Variants in DHCR24 observed in about 807,000 individuals in gnomAD.
DHCR24 encodes the protein 24-dehydrocholesterol reductase.
A neutral mutation model predicts 61.2 loss-of-function variants in DHCR24; 28 were observed. That is an observed-to-expected ratio of 0.46 (90% CI 0.34 to 0.63). The LOEUF is 0.63. Ranked by LOEUF, DHCR24 falls within the 20% of genes least tolerant of loss-of-function variation. The pLI, the probability that DHCR24 is intolerant of heterozygous loss-of-function variation, is 0.01. For missense variants in DHCR24, 538 were observed against 679.1 expected (o/e 0.79, Z 2.31); for synonymous variants, 261 against 275.9 (o/e 0.95, Z 0.54).
intron 6 of DHCR24, 22 bp downstream of exon 6, chr1:54,865,281 G>A (rs772548468): frequency 8.7e-6 from 14 of 1,608,536 alleles, no homozygotes; most frequent in Non-Finnish European, 8.5e-6. Flanking sequence ...AGGAGCCAGG[G>A]CTACAGAAAC....
chr1:54,855,664 C>T (rs1439637437), intron 6 of DHCR24, among the ~76,000 whole-genome samples: 1 of 152,226 alleles, frequency 6.6e-6, no homozygotes, highest in African/African-American at 2.4e-5. Context: ...GCTGAGTGAC[C>T]CTTTCCCTCA....
chr1:54,853,829 C>T (rs968573324), intron 7 of DHCR24, among the ~76,000 whole-genome samples: 4 of 152,064 alleles, frequency 2.6e-5, no homozygotes, highest in Non-Finnish European at 4.4e-5. Flanking sequence ...TGGGAGTGCT[C>T]GATGCCAGAC....
chr1:54,885,416 G>A (rs1024424144), intron 1 of DHCR24, among the ~76,000 whole-genome samples: 4 of 152,172 alleles, frequency 2.6e-5, no homozygotes, highest in Non-Finnish European at 5.9e-5. Flanking sequence ...TGAGGCAACT[G>A]AACCAGACCT....
At chr1:54,877,139 G>T (rs911738219) in intron 2 of DHCR24, among the ~76,000 whole-genome samples, 5 of 151,894 alleles carry the variant, frequency 3.3e-5, no homozygotes, top group Non-Finnish European at 7.3e-5. Flanking sequence ...AAGCAGGTTT[G>T]TCCTGAGCAG....
intron 4 of DHCR24, among the ~76,000 whole-genome samples, chr1:54,874,333 G>A (rs1253008668): frequency 2.6e-5 from 4 of 152,158 alleles, no homozygotes; most frequent in East Asian, 1.9e-4. Context: ...TGGTAAGTAC[G>A]CTACATAGGT....
intron 6 of DHCR24, among the ~76,000 whole-genome samples, chr1:54,856,421 AC>A (rs903619773): frequency 1.3e-5 from 2 of 152,148 alleles, no homozygotes; most frequent in African/African-American, 4.8e-5. Flanking sequence ...ACATGGCAAA[AC>A]CCTGTCTCTA....
chr1:54,869,816 G>A (rs2101568829), intron 5 of DHCR24, among the ~76,000 whole-genome samples: 1 of 152,254 alleles, frequency 6.6e-6, no homozygotes, highest in East Asian at 1.9e-4. Flanking sequence ...CTTGGCTTGG[G>A]AGGCCAAGGC....
intron 8 of DHCR24, 75 bp downstream of exon 8, chr1:54,853,359 G>A: frequency 6.3e-7 from 1 of 1,582,398 alleles, no homozygotes; most frequent in Non-Finnish European, 8.7e-7. Flanking sequence ...TCTCCATAGA[G>A]CTGGCCTCAT....
chr1:54,850,037 A>G lies in DHCR24; in HGVS notation c.*2196T>C, dbSNP rs944973878. The G allele has an allele frequency of 6.6e-6, 1 of 152,258 alleles. No homozygotes were observed. The highest frequency in any genetic ancestry group is 2.4e-5 in the African/African-American group (1 of 41,456). The allele number at this position is 152,258 out of a possible 1,614,324, so 9.4% of individuals were successfully genotyped here. A position where few individuals can be genotyped will look rare whatever the true frequency, so the allele number is the denominator to read the frequency against. Reference sequence around the variant, plus strand: ...GGCCAGGGACAGGACTGGCTACAAAAAAAAGCCATGAACTCAGCTCACCAT... The same window carrying G: ...GGCCAGGGACAGGACTGGCTACAAAGAAAAGCCATGAACTCAGCTCACCAT... On this transcript the variant is annotated 3_prime_UTR_variant, in exon 9 of 9. Coordinates refer to ENST00000371269, the MANE Select transcript of DHCR24 (RefSeq NM_014762.4).
intron 6 of DHCR24, among the ~76,000 whole-genome samples, chr1:54,862,931 C>T (rs7524913): frequency 0.1 from 15,680 of 151,994 alleles, 1,057 homozygotes; most frequent in East Asian, 0.2. Context: ...AAAAAATTAG[C>T]TGGGCGTAGT....
chr1:54,871,547 C>A lies in DHCR24; in HGVS notation c.679G>T (p.Ala227Ser), dbSNP rs201280799. 2 of 1,614,162 alleles carry A rather than the reference C, an allele frequency of 1.2e-6. No individual in the cohort carries two copies. The highest frequency in any genetic ancestry group is 8.5e-7 in the Non-Finnish European group (1 of 1,180,036). ...TTGGCAGGGATGATGCGGATCTCAG[C>A]GGCCACCAGGAAACCCAGCGTCCCA... The part of the protein sequence containing the change: ...SCGTLGFLVA[A>S]EIRIIPAKKY... Residue 227 changes from alanine (A) to serine (S), a missense_variant, in exon 5 of 9, where the codon GCT (alanine) becomes TCT (serine). By Grantham distance (99) the Ala-to-Ser change is moderately conservative. Coordinates refer to ENST00000371269, the MANE Select transcript of DHCR24 (RefSeq NM_014762.4).
chr1:54,878,375 G>T (rs1316202202), intron 2 of DHCR24, among the ~76,000 whole-genome samples: 1 of 151,548 alleles, frequency 6.6e-6, no homozygotes, highest in Non-Finnish European at 1.5e-5. Flanking sequence ...TTAGCTGGGC[G>T]TGGTGGTGGG....
intron 6 of DHCR24, among the ~76,000 whole-genome samples, chr1:54,855,325 C>T (rs113398911): frequency 0.014 from 2,104 of 149,656 alleles, 48 homozygotes; most frequent in African/African-American, 0.049. Context: ...ACCCAGGAGG[C>T]GGAGCTTGCA....
At chr1:54,872,979 G>A (rs1335403055) in intron 4 of DHCR24, among the ~76,000 whole-genome samples, 1 of 152,098 alleles carries the variant, frequency 6.6e-6, no homozygotes, top group Non-Finnish European at 1.5e-5. Context: ...CATCCCAGGG[G>A]TCCCTCACAC....
chr1:54,880,349 T>C (rs1647057512), intron 2 of DHCR24, among the ~76,000 whole-genome samples: 2 of 152,204 alleles, frequency 1.3e-5, no homozygotes, highest in African/African-American at 4.8e-5. Context: ...AAAACTTCCT[T>C]ACAAAGAAAA....
At chr1:54,867,294 G>A (rs888120968) in intron 5 of DHCR24, among the ~76,000 whole-genome samples, 2 of 152,188 alleles carry the variant, frequency 1.3e-5, no homozygotes, top group African/African-American at 4.8e-5. Context: ...TGGCACACAG[G>A]GACAAATTCC....
chr1:54,885,231 A>C (rs1227522232), intron 1 of DHCR24, among the ~76,000 whole-genome samples: 3 of 152,184 alleles, frequency 2.0e-5, no homozygotes, highest in African/African-American at 7.2e-5. Context: ...AAGGGATGAT[A>C]GGTAGGATTC....
intron 1 of DHCR24, among the ~76,000 whole-genome samples, chr1:54,885,638 A>G (rs1647088754): frequency 1.3e-5 from 2 of 150,330 alleles, no homozygotes; most frequent in East Asian, 4.0e-4. Flanking sequence ...TCTGGGGTAG[A>G]GGCTAGTCCA....
Position 54,857,701 on chromosome 1 carries a change from A to G in DHCR24, c.1021-3467T>C, listed in dbSNP as rs191605662. Among the ~76,000 whole-genome samples the G allele has an allele frequency of 5.9e-5, 9 of 152,392 alleles. No individual in the cohort carries two copies. In the East Asian group the frequency reaches 1.3e-3, roughly 23 times the overall value. On this transcript the variant is annotated intron_variant, in intron 6 of 8. Coordinates refer to ENST00000371269, the MANE Select transcript of DHCR24 (RefSeq NM_014762.4). ...TTTTTCTTCACTTAGAATGGCATTA[A>G]GTTGCAAATATTTATGACAAGAGAC...
Sources: allele counts gnomAD v4.1 joint callset (sites outside exome capture counted in the v4.1 genomes callset), GRCh38; gene constraint gnomAD v4.1.1; transcripts MANE v1.5; gene names NCBI Gene and HGNC (gene_info 2026-07-23, HGNC 2026-07-21).